The following NDST4 variants were observed in gnomAD, a reference collection of about 807,000 sequenced individuals.
NDST4 encodes N-deacetylase and N-sulfotransferase 4, also known as N-heparan sulfate sulfotransferase 4.
In NDST4, 63 loss-of-function variants were observed where a neutral mutation model predicts 100.8. That is an observed-to-expected ratio of 0.62 (90% confidence interval 0.51 to 0.77). The LOEUF (loss-of-function observed/expected upper bound fraction) is 0.77. Ranked by LOEUF, NDST4 falls within the 30% of genes least tolerant of loss-of-function variation. The pLI, the probability that NDST4 is intolerant of heterozygous loss-of-function variation, is 0.00. For missense variants in NDST4, 943 were observed against 1,018.4 expected (o/e 0.93, Z 1.01); for synonymous variants, 377 against 361.8 (o/e 1.04, Z -0.48).
intron 6 of NDST4, 44 bp downstream of exon 6, chr4:114,935,162 A>T: frequency 1.5e-6 from 2 of 1,375,036 alleles, no homozygotes; most frequent in Non-Finnish European, 1.9e-6. Flanking sequence ...AAACACATTT[A>T]AAAATGCTAA....
chr4:115,069,122 T>C (rs1294635367), intron 2 of NDST4, among the ~76,000 whole-genome samples: 4 of 152,138 alleles, frequency 2.6e-5, no homozygotes, highest in African/African-American at 9.7e-5. Flanking sequence ...GTCATATTCT[T>C]ATAAAAAGTA....
chr4:115,068,164 T>G (rs28464565), intron 2 of NDST4, among the ~76,000 whole-genome samples: 3,094 of 152,172 alleles, frequency 0.02, 110 homozygotes, highest in African/African-American at 0.071. Context: ...TAACTTATCA[T>G]CTTTGTTTTC....
intron 7 of NDST4, among the ~76,000 whole-genome samples, chr4:114,865,532 T>C (rs943962504): frequency 4.6e-5 from 7 of 152,254 alleles, no homozygotes; most frequent in South Asian, 4.1e-4. Context: ...TGCACTCATA[T>C]ATGACATTGA....
intron 2 of NDST4, among the ~76,000 whole-genome samples, chr4:115,068,905 AATT>A (rs1212155776): frequency 6.6e-6 from 1 of 152,036 alleles, no homozygotes; most frequent in Admixed American, 6.6e-5. Flanking sequence ...ACAATATAAT[AATT>A]GTCAATTAAA....
chr4:114,951,619 T>G (rs1725991924), intron 4 of NDST4, among the ~76,000 whole-genome samples: 1 of 152,122 alleles, frequency 6.6e-6, no homozygotes, highest in Non-Finnish European at 1.5e-5. Flanking sequence ...TAAAAACCTT[T>G]GGGGTAGGAA....
intron 2 of NDST4, among the ~76,000 whole-genome samples, chr4:114,977,881 C>T (rs1367779070): frequency 6.6e-6 from 1 of 151,880 alleles, no homozygotes; most frequent in African/African-American, 2.4e-5. Context: ...AATTCCATAA[C>T]AGAAATTTTC....
At chr4:115,022,856 A>G (rs13104082) in intron 2 of NDST4, among the ~76,000 whole-genome samples, 123,332 of 152,146 alleles carry the variant, frequency 0.81, 52,828 homozygotes, top group East Asian at 1. Flanking sequence ...CATCCATGTA[A>G]GACATGACTT....
chr4:114,867,349 T>A (rs1244015244), intron 7 of NDST4, among the ~76,000 whole-genome samples: 2 of 152,270 alleles, frequency 1.3e-5, no homozygotes, highest in East Asian at 3.9e-4. Context: ...GCAAAGGGAT[T>A]AACCACCTAA....
At chr4:114,952,478 A>T (rs868634078) in intron 4 of NDST4, among the ~76,000 whole-genome samples, 85 of 152,190 alleles carry the variant, frequency 5.6e-4, no homozygotes, top group African/African-American at 2.0e-3. Context: ...TCTTTCATCT[A>T]CCTGCCAATA....
chr4:115,057,855 A>C (rs944670150), intron 2 of NDST4, among the ~76,000 whole-genome samples: 4 of 152,142 alleles, frequency 2.6e-5, no homozygotes, highest in African/African-American at 7.2e-5. Flanking sequence ...TGTAAGCTTA[A>C]CAATAATATA....
intron 11 of NDST4, among the ~76,000 whole-genome samples, chr4:114,838,630 G>A (rs1344671206): frequency 6.6e-6 from 1 of 152,028 alleles, no homozygotes; most frequent in African/African-American, 2.4e-5. Context: ...AGAACATATA[G>A]GCACAGGGAG....
chr4:115,035,433 T>C (rs945988469), intron 2 of NDST4, among the ~76,000 whole-genome samples: 1 of 152,074 alleles, frequency 6.6e-6, no homozygotes, highest in African/African-American at 2.4e-5. Context: ...TTGGAGTTCA[T>C]TCTTCAAAGT....
intron 7 of NDST4, among the ~76,000 whole-genome samples, chr4:114,868,112 T>G (rs1458451338): frequency 6.6e-6 from 1 of 152,134 alleles, no homozygotes; most frequent in Admixed American, 6.6e-5. Context: ...ATGTGTGAAT[T>G]GAAAATCTAA....
At chr4:114,952,699 T>C (rs1349091597) in intron 4 of NDST4, among the ~76,000 whole-genome samples, 1 of 152,126 alleles carries the variant, frequency 6.6e-6, no homozygotes, top group African/African-American at 2.4e-5. Flanking sequence ...AATAAGCCAG[T>C]TAAGAAATTT....
rs573371009 is a variant in NDST4, at chr4:114,986,082, TA to T, written c.979-8809del. On this transcript the variant is annotated intron_variant, in intron 2 of 13. Transcript: ENST00000264363. ...CATTGCATTAGGAGTATTTTTTGAA[TA>T]CTGGAAGTTTAAACGTTGATACTGA... Among the ~76,000 whole-genome samples, 289 of 152,294 alleles carry T rather than the reference TA, an allele frequency of 1.9e-3. 1 individual carries two copies. Among genetic ancestry groups the T allele is most frequent in the African/African-American group, 6.8e-3 (284 of 41,570 alleles).
intron 6 of NDST4, among the ~76,000 whole-genome samples, chr4:114,915,309 C>A (rs138638170): frequency 6.6e-6 from 1 of 152,104 alleles, no homozygotes; most frequent in African/African-American, 2.4e-5. Flanking sequence ...GGTCAATGAA[C>A]CAGCTGTACT....
intron 4 of NDST4, among the ~76,000 whole-genome samples, chr4:114,965,112 G>A (rs781041169): frequency 6.6e-6 from 1 of 151,900 alleles, no homozygotes; most frequent in South Asian, 2.1e-4. Flanking sequence ...TTGTTTTAGT[G>A]TAAATATCCT....
chr4:114,946,619 C>G lies in NDST4; in HGVS notation c.1222-9116G>C, dbSNP rs111494350. Among the ~76,000 whole-genome samples, 533 of 152,214 alleles carry G rather than the reference C, an allele frequency of 3.5e-3. 7 individuals are homozygous for G. The highest frequency in any genetic ancestry group is 0.012 in the African/African-American group (490 of 41,542). ...TCATTTCTGAAGAATAGCAAGAATT[C>G]TATTGTTTTTGCAGCAGAGTTAACA... On this transcript the variant is annotated intron_variant, in intron 4 of 13. Coordinates refer to ENST00000264363, the MANE Select transcript of NDST4 (RefSeq NM_022569.3).
At chr4:114,967,020 C>T (rs1287295625) in intron 4 of NDST4, among the ~76,000 whole-genome samples, 1 of 152,102 alleles carries the variant, frequency 6.6e-6, no homozygotes, top group Non-Finnish European at 1.5e-5. Context: ...ATTTACTCCA[C>T]CAATATCCAG....
Sources: allele counts gnomAD v4.1 joint callset (sites outside exome capture counted in the v4.1 genomes callset), GRCh38; gene constraint gnomAD v4.1.1; transcripts MANE v1.5; gene names NCBI Gene and HGNC (gene_info 2026-07-23, HGNC 2026-07-21).